The following SGCZ variants were observed in gnomAD, a reference collection of about 807,000 sequenced individuals.
SGCZ encodes the protein zeta-sarcoglycan.
A neutral mutation model predicts 41.3 loss-of-function variants in SGCZ; 40 were observed. The observed-to-expected ratio is 0.97, with a 90% CI of 0.75 to 1.26. The LOEUF (loss-of-function observed/expected upper bound fraction) is 1.26, where lower values mean the gene tolerates loss of function less well. SGCZ is among the 50% of genes most tolerant of loss of function. SGCZ has a pLI of 0.00. For missense variants in SGCZ, 552 were observed against 369.8 expected (o/e 1.49, Z -4.04); for synonymous variants, 206 against 137.5 (o/e 1.50, Z -3.49).
At chr8:14,786,018 G>C (rs533480460) in intron 1 of SGCZ, among the ~76,000 whole-genome samples, 1 of 132,994 alleles carries the variant, frequency 7.5e-6, no homozygotes, top group South Asian at 2.2e-4. Flanking sequence ...TTTCTGTTTA[G>C]AGATATATCC....
At chr8:14,241,444 T>C (rs529784288) in intron 3 of SGCZ, among the ~76,000 whole-genome samples, 15 of 148,382 alleles carry the variant, frequency 1.0e-4, no homozygotes, top group African/African-American at 2.7e-4. Flanking sequence ...AGTATAAATA[T>C]ATAAACAATA....
At chr8:14,926,353 A>C (rs1799749441) in intron 1 of SGCZ, among the ~76,000 whole-genome samples, 1 of 152,230 alleles carries the variant, frequency 6.6e-6, no homozygotes, top group Non-Finnish European at 1.5e-5. Flanking sequence ...AAACTAAACT[A>C]TGTTGATAAG....
intron 2 of SGCZ, among the ~76,000 whole-genome samples, chr8:14,439,545 G>A (rs1224756964): frequency 1.3e-5 from 2 of 151,454 alleles, no homozygotes; most frequent in Admixed American, 6.6e-5. Flanking sequence ...CAAAATATTA[G>A]CAAAGGGAAT....
intron 1 of SGCZ, among the ~76,000 whole-genome samples, chr8:15,073,079 C>A (rs533039914): frequency 1.3e-5 from 2 of 152,068 alleles, no homozygotes; most frequent in African/African-American, 4.8e-5. Context: ...CTGATCACAG[C>A]TCATGTCAGC....
At chr8:14,787,333 G>A (rs569424091) in intron 1 of SGCZ, among the ~76,000 whole-genome samples, 75 of 152,002 alleles carry the variant, frequency 4.9e-4, no homozygotes, top group African/African-American at 1.6e-3. Context: ...GGAGGCTAGC[G>A]GGAATCTGGT....
At chr8:14,588,694 ATC>A (rs1183773883) in intron 1 of SGCZ, among the ~76,000 whole-genome samples, 58 of 152,292 alleles carry the variant, frequency 3.8e-4, no homozygotes, top group African/African-American at 1.1e-3. Context: ...AAGAAATGTC[ATC>A]TCTCTGAATT....
chr8:14,406,158 T>C (rs375942873), intron 2 of SGCZ, among the ~76,000 whole-genome samples: 1 of 152,152 alleles, frequency 6.6e-6, no homozygotes, highest in Admixed American at 6.5e-5. Context: ...TTATGCTTTC[T>C]GCAGAGAAGG....
intron 4 of SGCZ, among the ~76,000 whole-genome samples, chr8:14,223,111 G>A (rs1222338858): frequency 3.3e-5 from 5 of 151,752 alleles, no homozygotes; most frequent in South Asian, 2.1e-4. Flanking sequence ...CCCCCGGCCC[G>A]TCACAGAGGT....
Position 14,108,219 on chromosome 8 carries a change from T to C in SGCZ, c.564A>G (p.Val188=), listed in dbSNP as rs766435759. The change falls in exon 6 of 8, where the codon GTA becomes GTG. Residue 188 remains valine (V), a synonymous_variant. Transcript: ENST00000382080. ...KLKVTGTEGA[V]FGHSVETPHI... The stretch of plus-strand genomic sequence containing the variant: ...GCGGCGTCTCCACAGAGTGCCCAAA[T>C]ACGGCTCCTTCAGTGCCTGGGGGTA... 105 of 1,613,992 alleles carry C rather than the reference T, an allele frequency of 6.5e-5. No homozygotes were observed. Among genetic ancestry groups the C allele is most frequent in the Non-Finnish European group, 8.7e-5 (103 of 1,180,012 alleles).
chr8:15,165,725 G>A (rs1447641051), intron 1 of SGCZ, among the ~76,000 whole-genome samples: 1 of 152,222 alleles, frequency 6.6e-6, no homozygotes, highest in Admixed American at 6.5e-5. Flanking sequence ...GTATGGAAAT[G>A]TAACCTTTTG....
intron 1 of SGCZ, among the ~76,000 whole-genome samples, chr8:14,930,302 G>C (rs1018542455): frequency 6.6e-6 from 1 of 152,046 alleles, no homozygotes; most frequent in Admixed American, 6.5e-5. Flanking sequence ...TCTCATGCCA[G>C]TTAGAATGGC....
chr8:14,879,093 G>A (rs377322073), intron 1 of SGCZ: 1 of 152,204 alleles, frequency 6.6e-6, no homozygotes, highest in African/African-American at 2.4e-5. Flanking sequence ...GGGAGGATGA[G>A]GTGGGAGGAT....
intron 1 of SGCZ, among the ~76,000 whole-genome samples, chr8:14,655,843 A>G (rs949713955): frequency 6.6e-6 from 1 of 152,108 alleles, no homozygotes; most frequent in African/African-American, 2.4e-5. Flanking sequence ...TAGGAGTGTT[A>G]CATAATTGGA....
At chr8:14,531,162 A>T (rs1803118598) in intron 2 of SGCZ, among the ~76,000 whole-genome samples, 1 of 151,936 alleles carries the variant, frequency 6.6e-6, no homozygotes, top group Non-Finnish European at 1.5e-5. Flanking sequence ...TTACACTATC[A>T]TACCTCTTTC....
At chr8:14,274,333 G>T (rs536794156) in intron 3 of SGCZ, among the ~76,000 whole-genome samples, 58 of 152,178 alleles carry the variant, frequency 3.8e-4, no homozygotes, top group Non-Finnish European at 4.3e-4. Flanking sequence ...CACTGTTAAG[G>T]TTTATTATTA....
rs58153948 is a variant in SGCZ at position 14,645,478 on chromosome 8, T to C, written c.40-90552A>G. Among the ~76,000 whole-genome samples the C allele has an allele frequency of 1.9e-5, 2 of 106,594 alleles. 1 individual carries two copies. The highest frequency in any genetic ancestry group is 6.6e-4 in the East Asian group (2 of 3,020). 69.9% of individuals were successfully genotyped at this position (106,594 alleles called of 152,430 possible). On this transcript the variant is annotated intron_variant, in intron 1 of 7. Transcript: ENST00000382080. ...AGTATCATTGATTATATATATATATTTATATGTATATATATATATATATGG... is the reference window on the plus strand; with the variant it reads ...AGTATCATTGATTATATATATATATCTATATGTATATATATATATATATGG...
intron 3 of SGCZ, among the ~76,000 whole-genome samples, chr8:14,261,549 C>T (rs533411384): frequency 6.6e-6 from 1 of 152,228 alleles, no homozygotes; most frequent in Non-Finnish European, 1.5e-5. Context: ...TCTGTAAGAA[C>T]AATGCAAAAC....
chr8:14,223,698 G>C (rs1023984622), intron 4 of SGCZ, among the ~76,000 whole-genome samples: 1 of 152,002 alleles, frequency 6.6e-6, no homozygotes, highest in African/African-American at 2.4e-5. Context: ...CATGACCCAC[G>C]GAACCACCTG....
In SGCZ at chr8:14,826,889, G is replaced by A. The variant is rs1585296370; in HGVS notation, c.40-271963C>T. ...TTTTCTCCCATTCTGTAGGCTGCCTGTTCACTCTGACGGTAGTTTCTTTTG... is the reference window on the plus strand; with the variant it reads ...TTTTCTCCCATTCTGTAGGCTGCCTATTCACTCTGACGGTAGTTTCTTTTG... On this transcript the variant is annotated intron_variant, in intron 1 of 7. Transcript: ENST00000382080. 2.6e-5 allele frequency among the ~76,000 whole-genome samples: 4 copies of A among 152,234 alleles called. No homozygotes were observed. The East Asian group carries it at 5.8e-4, about 22-fold the overall frequency.
Sources: allele counts gnomAD v4.1 joint callset (sites outside exome capture counted in the v4.1 genomes callset), GRCh38; gene constraint gnomAD v4.1.1; transcripts MANE v1.5; gene names NCBI Gene and HGNC (gene_info 2026-07-23, HGNC 2026-07-21).